The following SLC38A9 variants were observed in gnomAD, a reference collection of about 807,000 sequenced individuals.
SLC38A9 encodes the protein neutral amino acid transporter 9.
SLC38A9 carries 48 observed loss-of-function variants against 62.3 expected under a neutral mutation model. The ratio of observed to expected loss-of-function variants is 0.77; its 90% CI spans 0.61 to 0.98. The LOEUF (loss-of-function observed/expected upper bound fraction) is 0.98. Ranked by LOEUF, SLC38A9 falls within the 50% of genes least tolerant of loss-of-function variation. SLC38A9 has a pLI of 0.00. For synonymous variants in SLC38A9, 204 were observed against 227.7 expected, an observed-to-expected ratio of 0.90 and a Z score of 0.94; for missense variants, 541 against 679.8, an observed-to-expected ratio of 0.80 and a Z score of 2.27.
At chr5:55,628,665 C>T (rs998291890) in intron 14 of SLC38A9, among the ~76,000 whole-genome samples, 7 of 152,130 alleles carry the variant, frequency 4.6e-5, no homozygotes, top group Non-Finnish European at 8.8e-5. Context: ...AGGTTTTTAT[C>T]TTCCAGATTT....
At chr5:55,703,800 C>T (rs1198404110) in intron 2 of SLC38A9, among the ~76,000 whole-genome samples, 1 of 152,234 alleles carries the variant, frequency 6.6e-6, no homozygotes, top group East Asian at 1.9e-4. Flanking sequence ...TTAAAACTGT[C>T]AAATTGACTA....
chr5:55,685,819 T>G (rs1753715881), intron 3 of SLC38A9, among the ~76,000 whole-genome samples: 3 of 152,178 alleles, frequency 2.0e-5, no homozygotes, highest in Admixed American at 1.3e-4. Context: ...TGTGTGTTGT[T>G]CCCCTCTATG....
chr5:55,637,517 G>A (rs1744632458), intron 12 of SLC38A9, among the ~76,000 whole-genome samples: 1 of 152,200 alleles, frequency 6.6e-6, no homozygotes, highest in Non-Finnish European at 1.5e-5. Context: ...AAGGTTAATA[G>A]TTCTTGCATC....
At position 55,697,870 on chromosome 5, in the gene SLC38A9, T is replaced by A; in HGVS notation, c.89A>T (p.Glu30Val). 1 of 1,590,890 alleles carries A rather than the reference T, an allele frequency of 6.3e-7. No homozygotes were observed. The highest frequency in any genetic ancestry group is 8.5e-7 in the Non-Finnish European group (1 of 1,171,268). Residue 30 changes from glutamate to valine, a missense_variant, in exon 3 of 16, where the codon GAG becomes GTG. Glu to Val is a moderately radical substitution (Grantham distance 121). Transcript: ENST00000396865. ...RDPGPMNIQFEPSDLRSKRPF... is the reference protein window; with the variant it reads ...RDPGPMNIQFVPSDLRSKRPF... ...CCTTTTGGATCTTAGATCCGATGGC[T>A]CAAACTGGATATTCATAGGTCCAGG... is the stretch of plus-strand genomic sequence containing the variant.
In SLC38A9 at chr5:55,656,699, A is replaced by T. The variant is rs773896989; in HGVS notation, c.757+16T>A. On this transcript the variant is annotated intron_variant, in intron 9 of 15. Transcript: ENST00000396865. ...GGTGGAGAGTAAAGAAACAAACAAC[A>T]TCCCAAACTACTTACCAGGGTTGCT... 1.3e-6 allele frequency: 2 copies of T among 1,574,336 alleles called. No individual in the cohort carries two copies. The highest frequency in any genetic ancestry group is 4.5e-5 in the East Asian group (2 of 44,566).
At chr5:55,665,910 C>CAT (rs1318841921) in intron 7 of SLC38A9, among the ~76,000 whole-genome samples, 8 of 152,088 alleles carry the variant, frequency 5.3e-5, no homozygotes, top group African/African-American at 1.9e-4. Flanking sequence ...CTGCAGTGAA[C>CAT]CATGATCCCA....
rs67070264 is a variant in SLC38A9, at chr5:55,659,389, TA to T, written c.698-2616del. 6.6e-3 allele frequency among the ~76,000 whole-genome samples: 962 copies of T among 146,030 alleles called. 48 individuals carry two copies. Among genetic ancestry groups the T allele is most frequent in the African/African-American group, 0.021 (849 of 39,854 alleles). ...AAAAAACTGGAAAGGTTTTTTTTTT[TA>T]TTTTATTTTGATTTGAGATGGAGTC... On this transcript the variant is annotated intron_variant, in intron 8 of 15. Coordinates refer to ENST00000396865, the MANE Select transcript of SLC38A9 (RefSeq NM_173514.4).
intron 3 of SLC38A9, among the ~76,000 whole-genome samples, chr5:55,678,645 CTTTTTTTTTTTTTTT>C (rs869297949): frequency 2.2e-5 from 1 of 45,800 alleles, no homozygotes; most frequent in African/African-American, 7.4e-5. Flanking sequence ...CTGAAATGAA[CTTTTTTTTTTTTTTT>C]TTTTTTTTTT....
At chr5:55,654,174 T>A (rs1748010990) in intron 9 of SLC38A9, among the ~76,000 whole-genome samples, 1 of 152,240 alleles carries the variant, frequency 6.6e-6, no homozygotes, top group African/African-American at 2.4e-5. Context: ...GTCAGTTCTA[T>A]TTTTAATTTT....
At chr5:55,668,453 A>T (rs1480808269) in intron 7 of SLC38A9, among the ~76,000 whole-genome samples, 1 of 152,128 alleles carries the variant, frequency 6.6e-6, no homozygotes, top group African/African-American at 2.4e-5. Context: ...GGCTGGCCCC[A>T]AACTCCTGGG....
intron 3 of SLC38A9, among the ~76,000 whole-genome samples, chr5:55,673,709 CTT>C (rs201596512): frequency 3.9e-5 from 5 of 127,576 alleles, no homozygotes; most frequent in Non-Finnish European, 3.4e-5. Context: ...TTAATCTAAT[CTT>C]TTTTTTTTTT....
At chr5:55,676,861 AC>A (rs1467843308) in intron 3 of SLC38A9, among the ~76,000 whole-genome samples, 3 of 151,780 alleles carry the variant, frequency 2.0e-5, no homozygotes, top group Non-Finnish European at 2.9e-5. Context: ...TAAAAAAAAA[AC>A]ATGTTACACA....
intron 9 of SLC38A9, 121 bp from the exon 10 acceptor site, chr5:55,652,844 G>A: frequency 1.5e-6 from 1 of 689,236 alleles, no homozygotes; most frequent in Admixed American, 3.1e-5. Flanking sequence ...ACTCTTCCTA[G>A]GAGCCTAAAT....
chr5:55,691,156 T>A (rs777719815), intron 3 of SLC38A9: 200 of 755,988 alleles, frequency 2.6e-4, no homozygotes, highest in East Asian at 8.0e-5. Flanking sequence ...GTTAGAAAAA[T>A]CTTGAAACTT....
chr5:55,627,742 C>G, intron 15 of SLC38A9, 149 bp downstream of exon 15: 1 of 525,210 alleles, frequency 1.9e-6, no homozygotes, highest in South Asian at 3.4e-5. Context: ...AGCATCTTAA[C>G]TGATACCAAG....
At chr5:55,664,023 T>C (rs971369394) in intron 8 of SLC38A9, among the ~76,000 whole-genome samples, 1 of 151,962 alleles carries the variant, frequency 6.6e-6, no homozygotes, top group Non-Finnish European at 1.5e-5. Flanking sequence ...TACAATAAAC[T>C]TCCAGCTCGG....
In SLC38A9 at chr5:55,664,809, C is replaced by A; in HGVS notation, c.581G>T (p.Gly194Val). 6.3e-7 allele frequency: 1 copy of A among 1,589,122 alleles called. No homozygotes were observed. Among genetic ancestry groups the A allele is most frequent in the Non-Finnish European group, 8.6e-7 (1 of 1,169,008 alleles). ...GAGACTCGACCACTGCCCAAAGGAGCCGAAATAATGTCTGCAGACATCTGG... is the reference window on the plus strand; with the variant it reads ...GAGACTCGACCACTGCCCAAAGGAGACGAAATAATGTCTGCAGACATCTGG... ...EYPDVCRHYF[G>V]SFGQWSSLLF... The change falls in exon 8 of 16, where the codon GGC (glycine) becomes GTC (valine). Residue 194 changes from glycine to valine, a missense_variant. By Grantham distance (109) the Gly-to-Val change is moderately radical. Transcript: ENST00000396865.
chr5:55,656,668 G>T, intron 9 of SLC38A9, 47 bp downstream of exon 9: 2 of 1,296,054 alleles, frequency 1.5e-6, no homozygotes, highest in South Asian at 1.2e-5. Context: ...ATCCTTTTTG[G>T]AGCAAGGTGG....
At chr5:55,706,391 TA>T (rs1423467908) in intron 2 of SLC38A9, among the ~76,000 whole-genome samples, 1 of 152,232 alleles carries the variant, frequency 6.6e-6, no homozygotes, top group Non-Finnish European at 1.5e-5. Flanking sequence ...TTCTGGAAAT[TA>T]ATACTTTACT....
Sources: gnomAD v4.1 joint callset for allele counts (sites outside exome capture counted in the v4.1 genomes callset) on GRCh38, gnomAD v4.1.1 for gene constraint, MANE v1.5 for transcripts, NCBI Gene and HGNC (gene_info 2026-07-23, HGNC 2026-07-21) for gene names.